Variants in RPRD1B observed in about 807,000 individuals in gnomAD.
RPRD1B encodes the protein regulation of nuclear pre-mRNA domain containing 1B.
In RPRD1B, 11 loss-of-function variants were observed where a neutral mutation model predicts 41.5. The observed-to-expected ratio is 0.27, with a 90% CI of 0.17 to 0.44. RPRD1B has a LOEUF of 0.44. RPRD1B is among the 20% of genes least tolerant of loss of function. The pLI is 1.00. For synonymous variants in RPRD1B, 158 were observed against 155.6 expected, an observed-to-expected ratio of 1.02 and a Z score of -0.12; for missense variants, 248 against 389.9, an observed-to-expected ratio of 0.64 and a Z score of 3.06.
At chr20:38,065,835 C>G (rs2074349000) in intron 5 of RPRD1B, 1 of 354,620 alleles carries the variant, frequency 2.8e-6, no homozygotes. Flanking sequence ...ATTTAGAAAG[C>G]CTTTGCCAGA....
At chr20:38,072,512 A>G (rs1384897503) in intron 6 of RPRD1B, among the ~76,000 whole-genome samples, 1 of 152,170 alleles carries the variant, frequency 6.6e-6, no homozygotes, top group Non-Finnish European at 1.5e-5. Flanking sequence ...GCAATTCCCT[A>G]TGAATTTAAC....
chr20:38,050,817 T>G (rs796447634), intron 3 of RPRD1B, among the ~76,000 whole-genome samples: 3 of 152,332 alleles, frequency 2.0e-5, no homozygotes, highest in African/African-American at 7.2e-5. Flanking sequence ...TAATTTCTCT[T>G]TCTCTATTCT....
At position 38,044,067 on chromosome 20, in the gene RPRD1B, C is replaced by G. The variant is rs145706597; in HGVS notation, c.281+3503C>G. ...CCCTAGAATGACTCACAGGGCTCAT[C>G]ATGTAGTCATAGTCATGGCAGTGAT... On this transcript the variant is annotated intron_variant, in intron 2 of 6. Coordinates refer to ENST00000373433, the MANE Select transcript of RPRD1B (RefSeq NM_021215.4). Among the ~76,000 whole-genome samples the G allele has an allele frequency of 7.4e-3, 1,124 of 152,248 alleles. 5 individuals carry two copies. Among genetic ancestry groups the G allele is most frequent in the African/African-American group, 0.021 (867 of 41,544 alleles).
chr20:38,063,713 C>T (rs1248099601), intron 5 of RPRD1B, among the ~76,000 whole-genome samples: 2 of 152,056 alleles, frequency 1.3e-5, no homozygotes, highest in Non-Finnish European at 2.9e-5. Flanking sequence ...TTTGAGGAAA[C>T]GAGGGAATGG....
intron 2 of RPRD1B, among the ~76,000 whole-genome samples, chr20:38,045,430 A>G (rs1475268615): frequency 6.6e-6 from 1 of 152,248 alleles, no homozygotes; most frequent in Non-Finnish European, 1.5e-5. Context: ...TGAATATTTT[A>G]TGTATAACTT....
intron 5 of RPRD1B, among the ~76,000 whole-genome samples, chr20:38,060,491 A>G (rs6022716): frequency 0.58 from 88,822 of 152,058 alleles, 28,559 homozygotes; most frequent in African/African-American, 0.87. Context: ...TGGGAGCGGA[A>G]AATGATTGCA....
chr20:38,038,490 G>GTTTTTTTTTTTTTTTTTT lies in RPRD1B; in HGVS notation c.152-1938_152-1921dup, dbSNP rs150397040. ...ACGCCCGGCTGATTTTTTTTGTTTT[G>GTTTTTTTTTTTTTTTTTT]TTTTTTTTTTTTTTTTTTTTTTTTG... On this transcript the variant is annotated intron_variant, in intron 1 of 6. Transcript: ENST00000373433. Among the ~76,000 whole-genome samples the GTTTTTTTTTTTTTTTTTT allele has an allele frequency of 3.6e-4, 28 of 76,758 alleles. 3 individuals are homozygous for GTTTTTTTTTTTTTTTTTT. Among genetic ancestry groups the GTTTTTTTTTTTTTTTTTT allele is most frequent in the African/African-American group, 8.2e-4 (17 of 20,728 alleles). 50.4% of individuals were successfully genotyped at this position (76,758 alleles called of 152,430 possible).
intron 5 of RPRD1B, among the ~76,000 whole-genome samples, chr20:38,064,845 G>A (rs528855243): frequency 2.0e-5 from 3 of 152,176 alleles, no homozygotes; most frequent in South Asian, 2.1e-4. Context: ...AATTAGACGG[G>A]CGTGGTGGCG....
At chr20:38,079,668 A>G (rs1166374270) in intron 6 of RPRD1B, among the ~76,000 whole-genome samples, 1 of 152,184 alleles carries the variant, frequency 6.6e-6, no homozygotes, top group Non-Finnish European at 1.5e-5. Flanking sequence ...TATTGTGAAT[A>G]GTGCTGTGAT....
chr20:38,071,492 A>C (rs1354579383), intron 6 of RPRD1B, among the ~76,000 whole-genome samples: 1 of 152,220 alleles, frequency 6.6e-6, no homozygotes, highest in Non-Finnish European at 1.5e-5. Context: ...GTGTTGCTAT[A>C]AACAGTCATG....
chr20:38,069,208 G>A (rs370666969), intron 6 of RPRD1B, among the ~76,000 whole-genome samples: 19 of 152,296 alleles, frequency 1.2e-4, no homozygotes, highest in Middle Eastern at 3.4e-3. Context: ...AGGATAGGGC[G>A]TGTGATGATT....
intron 3 of RPRD1B, among the ~76,000 whole-genome samples, chr20:38,056,397 A>T (rs6068632): frequency 0.16 from 23,731 of 152,120 alleles, 1,874 homozygotes; most frequent in South Asian, 0.29. Flanking sequence ...ATCTAAAAAA[A>T]AAAAATAAAA....
At chr20:38,040,379 T>C in intron 1 of RPRD1B, 56 bp from the exon 2 acceptor site, 1 of 1,457,728 alleles carries the variant, frequency 6.9e-7, no homozygotes, top group Non-Finnish European at 9.2e-7. Flanking sequence ...GCAAAAGAAT[T>C]GTGAATTGAG....
rs888226449 is a variant in RPRD1B at position 38,042,363 on chromosome 20, A to G, written c.281+1799A>G. Among the ~76,000 whole-genome samples, 23 of 152,272 alleles carry G rather than the reference A, an allele frequency of 1.5e-4. 1 individual carries two copies. Among genetic ancestry groups the G allele is most frequent in the Middle Eastern group, 6.8e-3 (2 of 294 alleles). Reference sequence around the variant, plus strand: ...AGCATGACCCTGTCTCTAAATTACAAACAGACAAACGATCTGTAATCTTTA... The same window carrying G: ...AGCATGACCCTGTCTCTAAATTACAGACAGACAAACGATCTGTAATCTTTA... On this transcript the variant is annotated intron_variant, in intron 2 of 6. Coordinates refer to ENST00000373433, the MANE Select transcript of RPRD1B (RefSeq NM_021215.4).
At position 38,034,046 on chromosome 20, in the gene RPRD1B, C is replaced by T. The variant is rs544319871; in HGVS notation, c.99C>T (p.His33=). Residue 33 remains histidine, a synonymous_variant, in exon 1 of 7, where the codon CAC becomes CAT. Transcript: ENST00000373433. ...CCCTGTCCCTTTGGCTCATCCACCACCGCAAGCACGCGGGACCCATCGTCT... is the reference window on the plus strand; with the variant it reads ...CCCTGTCCCTTTGGCTCATCCACCATCGCAAGCACGCGGGACCCATCGTCT... The part of the protein sequence containing the change: ...VQTLSLWLIH[H]RKHAGPIVSV... 3.7e-6 allele frequency: 6 copies of T among 1,614,204 alleles called. No homozygotes were observed. In the East Asian group the frequency reaches 1.3e-4, roughly 36 times the overall value.
chr20:38,085,935 G>A (rs2074557049), intron 6 of RPRD1B, among the ~76,000 whole-genome samples: 1 of 151,696 alleles, frequency 6.6e-6, no homozygotes, highest in Non-Finnish European at 1.5e-5. Context: ...CACCTCCTGG[G>A]CTCAAGCAAT....
chr20:38,043,502 C>T (rs1280019129), intron 2 of RPRD1B, among the ~76,000 whole-genome samples: 1 of 152,044 alleles, frequency 6.6e-6, no homozygotes, highest in Non-Finnish European at 1.5e-5. Flanking sequence ...TTTAAAACAT[C>T]CCTCTTTAAA....
At chr20:38,068,586 GAC>G (rs1187239386) in intron 6 of RPRD1B, among the ~76,000 whole-genome samples, 2 of 152,142 alleles carry the variant, frequency 1.3e-5, no homozygotes, top group Non-Finnish European at 2.9e-5. Context: ...TTTTAGCAGA[GAC>G]AGAGTTTCAC....
chr20:38,060,715 G>A (rs1217731397), intron 5 of RPRD1B, among the ~76,000 whole-genome samples: 1 of 152,134 alleles, frequency 6.6e-6, no homozygotes, highest in Non-Finnish European at 1.5e-5. Context: ...CACGCAAGAA[G>A]CATCTCAGCC....
Sources: gnomAD v4.1 joint callset for allele counts (sites outside exome capture counted in the v4.1 genomes callset) on GRCh38, gnomAD v4.1.1 for gene constraint, MANE v1.5 for transcripts, NCBI Gene and HGNC (gene_info 2026-07-23, HGNC 2026-07-21) for gene names.